The following USP9X variants were observed in gnomAD, a reference collection of about 807,000 sequenced individuals.
USP9X encodes the protein ubiquitin carboxyl-terminal hydrolase 9X.
In USP9X, 7 loss-of-function variants were observed where a neutral mutation model predicts 190.3. That is an observed-to-expected ratio of 0.04 (90% CI 0.02 to 0.07). The LOEUF is 0.07. USP9X is among the 10% of genes least tolerant of loss of function. The pLI is 1.00. For missense variants in USP9X, 1,010 were observed against 1,916.9 expected, an observed-to-expected ratio of 0.53 and a Z score of 8.83; for synonymous variants, 645 against 659.5, an observed-to-expected ratio of 0.98 and a Z score of 0.34.
chrX:41,184,006 A>G lies in USP9X; in HGVS notation c.3157A>G (p.Thr1053Ala), dbSNP rs2062851022. ...CTCTTTTTTTCCTCCAGATAGCACAACGATAGAAAAATTAAGAGCTATTTG... is the reference window on the plus strand; with the variant it reads ...CTCTTTTTTTCCTCCAGATAGCACAGCGATAGAAAAATTAAGAGCTATTTG... The part of the protein sequence containing the change: ...LMKLMPPDST[T>A]IEKLRAICLD... The change falls in exon 22 of 45, where the codon ACG becomes GCG. Residue 1053 changes from threonine (T) to alanine (A), a missense_variant. Physicochemically the swap from Thr to Ala is moderately conservative, Grantham distance 58 (BLOSUM62 0). Transcript: ENST00000378308. 2 of 1,202,775 alleles carry G rather than the reference A, an allele frequency of 1.7e-6. No individual in the cohort carries two copies. Among genetic ancestry groups the G allele is most frequent in the Non-Finnish European group, 2.2e-6 (2 of 892,183 alleles).
In USP9X at chrX:41,086,009, A is replaced by C; in HGVS notation, c.-259A>C. 1 of 297,334 alleles carries C rather than the reference A, an allele frequency of 3.4e-6. No individual in the cohort carries two copies. The highest frequency in any genetic ancestry group is 5.9e-6 in the Non-Finnish European group (1 of 170,146). 24.5% of individuals were successfully genotyped at this position (297,334 alleles called of 1,213,427 possible). A position where few individuals can be genotyped will look rare whatever the true frequency, so the allele number is the denominator to read the frequency against. On this transcript the variant is annotated 5_prime_UTR_variant, in exon 1 of 45. It removes an upstream start codon present in the reference 5' UTR. Transcript: ENST00000378308. Reference sequence around the variant, plus strand: ...GTTGCCGGTCACCCCCGGGCCTGGGATGCACCCAGGGTAGGTCTCGTCCCG... The same window carrying C: ...GTTGCCGGTCACCCCCGGGCCTGGGCTGCACCCAGGGTAGGTCTCGTCCCG...
chrX:41,136,601 C>T (rs1848554682), intron 5 of USP9X, among the ~76,000 whole-genome samples: 1 of 112,144 alleles, frequency 8.9e-6, no homozygotes, highest in Non-Finnish European at 1.9e-5. Flanking sequence ...TAAGCCATAG[C>T]AAATGGCTTT....
intron 41 of USP9X, among the ~76,000 whole-genome samples, chrX:41,226,027 G>A (rs866351116): frequency 4.4e-5 from 5 of 112,627 alleles, no homozygotes; most frequent in African/African-American, 9.6e-5. Flanking sequence ...AGCTAGGAAC[G>A]TTTGTGTTGG....
rs781498375 is a variant in USP9X, at chrX:41,232,394, A to G, written c.7535A>G (p.His2512Arg). ...SPGSQYQQNN[H>R]VHGQPYTGPA... ...TCTTTTCTCCTTTCCCAGAATAACC[A>G]TGTGCATGGACAGCCATATACAGGC... Residue 2512 changes from histidine (H) to arginine (R), a missense_variant, in exon 45 of 45, where the codon CAT becomes CGT. This residue lies in a region of USP9X where 48 missense variants were observed against 60.4 expected (regional missense o/e 0.79). Coordinates refer to ENST00000378308, the MANE Select transcript of USP9X (RefSeq NM_001039591.3). The G allele has an allele frequency of 8.3e-7, 1 of 1,206,015 alleles. No homozygotes were observed. Among genetic ancestry groups the G allele is most frequent in the Non-Finnish European group, 1.1e-6 (1 of 892,776 alleles).
intron 34 of USP9X, 68 bp from the exon 35 acceptor site, chrX:41,215,831 T>G: frequency 1.9e-6 from 2 of 1,074,761 alleles, no homozygotes; most frequent in South Asian, 2.2e-5. Flanking sequence ...AAAAGTTTGC[T>G]TGGGGTTTTT....
At chrX:41,211,656 G>A (rs1460206312) in intron 33 of USP9X, among the ~76,000 whole-genome samples, 1 of 103,399 alleles carries the variant, frequency 9.7e-6, no homozygotes, top group East Asian at 3.3e-4. Context: ...CGTCCGGGAA[G>A]GAGGTGATGG....
chrX:41,093,671 C>T (rs1471745534), intron 1 of USP9X, among the ~76,000 whole-genome samples: 2 of 112,097 alleles, frequency 1.8e-5, no homozygotes, highest in African/African-American at 6.5e-5. Flanking sequence ...ATCCTTGAGA[C>T]AGAGGGAACT....
At chrX:41,169,600 G>C in intron 18 of USP9X, among the ~76,000 whole-genome samples, 1 of 110,175 alleles carries the variant, frequency 9.1e-6, no homozygotes. Flanking sequence ...GATTACAGGC[G>C]CCCACCACCA....
intron 14 of USP9X, among the ~76,000 whole-genome samples, chrX:41,161,579 G>C (rs1166297649): frequency 1.0e-5 from 1 of 99,115 alleles, no homozygotes; most frequent in African/African-American, 3.8e-5. Context: ...CAGGTAATCC[G>C]CCTGCCTTGC....
intron 1 of USP9X, among the ~76,000 whole-genome samples, chrX:41,114,478 T>C (rs1299232172): frequency 9.2e-6 from 1 of 108,337 alleles, no homozygotes; most frequent in Non-Finnish European, 1.9e-5. Context: ...TCCTTTTTTT[T>C]CCCTTTTCTT....
At chrX:41,195,929 G>A (rs1463072931) in intron 26 of USP9X, 1 of 383,834 alleles carries the variant, frequency 2.6e-6, no homozygotes, top group East Asian at 6.9e-5. Context: ...CCAAAAAGAT[G>A]CATAAGGTTA....
chrX:41,144,340 C>CT (rs1190098129), intron 10 of USP9X, among the ~76,000 whole-genome samples, 182 bp from the exon 11 acceptor site: 1 of 108,515 alleles, frequency 9.2e-6, no homozygotes, highest in Non-Finnish European at 1.9e-5. Context: ...CTGCCTCAGC[C>CT]TCCCGAGTAG....
chrX:41,158,398 C>T (rs1046790724), intron 14 of USP9X, among the ~76,000 whole-genome samples: 1 of 111,455 alleles, frequency 9.0e-6, no homozygotes, highest in African/African-American at 3.3e-5. Context: ...TCATCAGAAA[C>T]ATTGAGGCCA....
At position 41,170,670 on chromosome X, in the gene USP9X, T is replaced by G; in HGVS notation, c.3027+51T>G. The G allele has an allele frequency of 2.7e-6, 3 of 1,129,926 alleles. No homozygotes were observed. In the South Asian group the frequency reaches 6.4e-5, roughly 24 times the overall value. The allele number at this position is 1,129,926 out of a possible 1,213,427, so 93.1% of individuals were successfully genotyped here. A position where few individuals can be genotyped will look rare whatever the true frequency, so the allele number is the denominator to read the frequency against. ...TGTATGTAAGGCATCATGCTAGGGT[T>G]TTTGAGAATAAAGTATATAGAGTGG... On this transcript the variant is annotated intron_variant, in intron 20 of 44. Coordinates refer to ENST00000378308, the MANE Select transcript of USP9X (RefSeq NM_001039591.3).
intron 1 of USP9X, among the ~76,000 whole-genome samples, chrX:41,115,850 G>A (rs1051384070): frequency 6.3e-5 from 7 of 111,792 alleles, no homozygotes; most frequent in African/African-American, 1.9e-4. Flanking sequence ...TCAACGTGCT[G>A]TATAAAAGGA....
chrX:41,092,713 G>A (rs1244213545), intron 1 of USP9X, among the ~76,000 whole-genome samples: 1 of 111,221 alleles, frequency 9.0e-6, no homozygotes, highest in Admixed American at 9.6e-5. Flanking sequence ...GTGGAGGGGA[G>A]GTAATACAGT....
chrX:41,183,105 GT>G (rs1395803058), intron 21 of USP9X, among the ~76,000 whole-genome samples: 1 of 109,571 alleles, frequency 9.1e-6, no homozygotes, highest in Non-Finnish European at 1.9e-5. Context: ...CGCCCGGCTG[GT>G]TTTTGTATTT....
At chrX:41,218,108 G>T (rs1377417844) in intron 36 of USP9X, among the ~76,000 whole-genome samples, 1 of 111,854 alleles carries the variant, frequency 8.9e-6, no homozygotes, top group Non-Finnish European at 1.9e-5. Flanking sequence ...CAAGATAAGG[G>T]GGTGGTATTT....
chrX:41,221,366 T>C (rs1325448030), intron 38 of USP9X, among the ~76,000 whole-genome samples: 1 of 112,196 alleles, frequency 8.9e-6, no homozygotes, highest in Non-Finnish European at 1.9e-5. Flanking sequence ...ATAAATAAGA[T>C]TGTCTAATGG....
Sources: gnomAD v4.1 joint callset for allele counts (sites outside exome capture counted in the v4.1 genomes callset) on GRCh38, gnomAD v4.1.1 for gene constraint, gnomAD v4.1.1 regional missense constraint, MANE v1.5 for transcripts, NCBI Gene and HGNC (gene_info 2026-07-23, HGNC 2026-07-21) for gene names.